PPP1R36: variants seen among roughly 807,000 people sequenced by gnomAD.
PPP1R36 encodes chromosome 14 open reading frame 50.
In PPP1R36, 47 loss-of-function variants were observed where a neutral mutation model predicts 53.4. The observed-to-expected ratio is 0.88, with a 90% CI of 0.70 to 1.12. PPP1R36 has a LOEUF of 1.12. Ranked by LOEUF, PPP1R36 falls within the 50% of genes most tolerant of loss-of-function variation. PPP1R36 has a pLI of 0.00. For synonymous variants in PPP1R36, 153 were observed against 170.5 expected, an observed-to-expected ratio of 0.90 and a Z score of 0.80; for missense variants, 456 against 513.9, an observed-to-expected ratio of 0.89 and a Z score of 1.09.
intron 3 of PPP1R36, among the ~76,000 whole-genome samples, chr14:64,559,097 T>C (rs1401972036): frequency 6.6e-6 from 1 of 152,012 alleles, no homozygotes; most frequent in Non-Finnish European, 1.5e-5. Flanking sequence ...AAAAAATAAA[T>C]AAACAGAGAA....
intron 8 of PPP1R36, among the ~76,000 whole-genome samples, chr14:64,585,641 G>A (rs1288831848): frequency 2.0e-5 from 3 of 152,080 alleles, no homozygotes; most frequent in African/African-American, 7.2e-5. Flanking sequence ...CAGTCTGGTG[G>A]GAGGATTGGG....
chr14:64,578,642 G>A (rs117242159), intron 8 of PPP1R36, among the ~76,000 whole-genome samples: 6,696 of 152,206 alleles, frequency 0.044, 197 homozygotes, highest in African/African-American at 0.067. Context: ...AAAAGGGAAC[G>A]CTTATACACT....
At chr14:64,585,874 G>C (rs973158365) in intron 8 of PPP1R36, among the ~76,000 whole-genome samples, 2 of 152,208 alleles carry the variant, frequency 1.3e-5, no homozygotes, top group African/African-American at 4.8e-5. Flanking sequence ...CCTAGGCTGG[G>C]AGTCAGAATC....
At chr14:64,551,938 A>T (rs2080096917) in intron 2 of PPP1R36, among the ~76,000 whole-genome samples, 2 of 152,238 alleles carry the variant, frequency 1.3e-5, no homozygotes, top group African/African-American at 4.8e-5. Context: ...TTAGAAGACT[A>T]GTTGTAGGAT....
At chr14:64,580,443 C>T (rs370934915) in intron 8 of PPP1R36, among the ~76,000 whole-genome samples, 1 of 152,282 alleles carries the variant, frequency 6.6e-6, no homozygotes. Flanking sequence ...TTTTAGTTCT[C>T]GGCATAGAGC....
intron 3 of PPP1R36, among the ~76,000 whole-genome samples, chr14:64,553,226 A>G (rs2080111626): frequency 6.6e-6 from 1 of 152,164 alleles, no homozygotes; most frequent in African/African-American, 2.4e-5. Context: ...AAGTGCTGGG[A>G]CTACAGGTGT....
At chr14:64,558,786 G>A (rs536612846) in intron 3 of PPP1R36, among the ~76,000 whole-genome samples, 1 of 152,024 alleles carries the variant, frequency 6.6e-6, no homozygotes, top group East Asian at 1.9e-4. Flanking sequence ...TAGGCACGCG[G>A]CACCACAGCT....
intron 3 of PPP1R36, among the ~76,000 whole-genome samples, chr14:64,559,740 G>T (rs192250091): frequency 3.8e-4 from 58 of 152,308 alleles, no homozygotes; most frequent in Non-Finnish European, 7.3e-4. Context: ...GCATACTGTG[G>T]TGAGGAATTG....
At chr14:64,560,299 AGGCATG>A (rs1188585385) in intron 3 of PPP1R36, among the ~76,000 whole-genome samples, 2 of 151,628 alleles carry the variant, frequency 1.3e-5, no homozygotes, top group Non-Finnish European at 2.9e-5. Flanking sequence ...AAAATTAGCC[AGGCATG>A]GTGGTGCACA....
chr14:64,573,091 A>G (rs113740909), intron 7 of PPP1R36, among the ~76,000 whole-genome samples: 24 of 152,256 alleles, frequency 1.6e-4, no homozygotes, highest in African/African-American at 5.1e-4. Flanking sequence ...TTTAGAGTAA[A>G]TATCATTTGG....
intron 8 of PPP1R36, among the ~76,000 whole-genome samples, chr14:64,577,819 G>A (rs1313910262): frequency 7.4e-6 from 1 of 135,574 alleles, no homozygotes; most frequent in Non-Finnish European, 1.5e-5. Context: ...TCTGCCTTCC[G>A]GGTTCACGCT....
intron 8 of PPP1R36, among the ~76,000 whole-genome samples, chr14:64,580,295 C>G (rs1038891520): frequency 6.6e-6 from 1 of 152,096 alleles, no homozygotes; most frequent in Non-Finnish European, 1.5e-5. Flanking sequence ...CAGAACAACA[C>G]CCTGCCTCAA....
At position 64,588,135 on chromosome 14, in the gene PPP1R36, A is replaced by C; in HGVS notation, c.922A>C (p.Lys308Gln). ...GATGGCAAAACGCCCAGCAATTAAA[A>C]AAGCTATCAACATGCGTTCTCCAGT... ...RMMAKRPAIK[K>Q]AINMRSPVMS... Residue 308 changes from lysine (K) to glutamine (Q), a missense_variant, in exon 11 of 12, where the codon AAA (lysine) becomes CAA (glutamine). Lys to Gln is a moderately conservative substitution (Grantham distance 53). Transcript: ENST00000298705. 6.2e-7 allele frequency: 1 copy of C among 1,606,000 alleles called. No individual in the cohort carries two copies. Among genetic ancestry groups the C allele is most frequent in the Non-Finnish European group, 8.5e-7 (1 of 1,174,924 alleles).
chr14:64,574,218 T>TA (rs2080325297), intron 7 of PPP1R36, among the ~76,000 whole-genome samples: 1 of 151,294 alleles, frequency 6.6e-6, no homozygotes. Flanking sequence ...CTACACAAAA[T>TA]AAAAAAAGAT....
At chr14:64,556,487 T>G (rs2080153021) in intron 3 of PPP1R36, among the ~76,000 whole-genome samples, 1 of 151,898 alleles carries the variant, frequency 6.6e-6, no homozygotes, top group African/African-American at 2.4e-5. Context: ...ATAGGCTGGG[T>G]GTGGTGGCTC....
chr14:64,554,642 A>C (rs1469525774), intron 3 of PPP1R36, among the ~76,000 whole-genome samples: 1 of 152,104 alleles, frequency 6.6e-6, no homozygotes, highest in African/African-American at 2.4e-5. Flanking sequence ...GGTGGTTGAG[A>C]GTAGACAGTG....
At chr14:64,554,139 A>ATTTTTTTTTTTTTTTTTTTTTTTTTT (rs1235272685) in intron 3 of PPP1R36, among the ~76,000 whole-genome samples, 1 of 109,018 alleles carries the variant, frequency 9.2e-6, no homozygotes, top group Non-Finnish European at 1.9e-5. Context: ...TCCCATCACA[A>ATTTTTTTTTTTTTTTTTTTTTTTTTT]TTGTTTTTTT....
chr14:64,566,272 A>G (rs1298465662), intron 6 of PPP1R36, among the ~76,000 whole-genome samples: 1 of 151,532 alleles, frequency 6.6e-6, no homozygotes, highest in Non-Finnish European at 1.5e-5. Flanking sequence ...TCTCAGACCA[A>G]AAAAAAAGAA....
At chr14:64,573,831 T>C (rs948167958) in intron 7 of PPP1R36, among the ~76,000 whole-genome samples, 3 of 137,984 alleles carry the variant, frequency 2.2e-5, no homozygotes, top group Non-Finnish European at 4.5e-5. Context: ...GAGAATTCCT[T>C]GAACCCGGGA....
Sources: gnomAD v4.1 joint callset for allele counts (sites outside exome capture counted in the v4.1 genomes callset) on GRCh38, gnomAD v4.1.1 for gene constraint, MANE v1.5 for transcripts, NCBI Gene and HGNC (gene_info 2026-07-23, HGNC 2026-07-21) for gene names.